Variants in KIAA0586 observed in about 807,000 individuals in gnomAD.
KIAA0586 encodes the protein protein TALPID3.
Under a neutral mutation model 169.8 loss-of-function variants are expected in KIAA0586, and 144 were observed. The observed-to-expected ratio is 0.85, with a 90% confidence interval of 0.74 to 0.97. The LOEUF (loss-of-function observed/expected upper bound fraction) is 0.97, where lower values mean the gene tolerates loss of function less well. Ranked by LOEUF, KIAA0586 falls within the 50% of genes least tolerant of loss-of-function variation. The pLI, the probability that KIAA0586 is intolerant of heterozygous loss-of-function variation, is 0.00. For missense variants in KIAA0586, 1,854 were observed against 1,823.0 expected, an observed-to-expected ratio of 1.02 and a Z score of -0.31; for synonymous variants, 625 against 612.4, an observed-to-expected ratio of 1.02 and a Z score of -0.30.
intron 22 of KIAA0586, 63 bp downstream of exon 22, chr14:58,487,229 A>G: frequency 3.7e-6 from 5 of 1,365,738 alleles, no homozygotes; most frequent in South Asian, 1.4e-5. Context: ...CATGATTTGT[A>G]TATGTACTTG....
chr14:58,492,888 G>T (rs1011307362), intron 26 of KIAA0586, among the ~76,000 whole-genome samples: 1 of 152,196 alleles, frequency 6.6e-6, no homozygotes, highest in African/African-American at 2.4e-5. Flanking sequence ...GGAAAGTATT[G>T]AAAATCTCTG....
rs2041700240 is a variant in KIAA0586 at position 58,477,150 on chromosome 14, T to C, written c.2853T>C (p.Ile951=). Residue 951 remains isoleucine (I), a synonymous_variant, in exon 20 of 31, where the codon ATT becomes ATC. Coordinates refer to ENST00000652326, the MANE Select transcript of KIAA0586 (RefSeq NM_001329943.3). ...QWVEQEIMSR[I]ISGLFPVQQQ... Reference sequence around the variant, plus strand: ...TAGAGCAAGAAATAATGTCAAGAATTATCTCTGGGCTCTTTCCAGTCCAGC... The same window carrying C: ...TAGAGCAAGAAATAATGTCAAGAATCATCTCTGGGCTCTTTCCAGTCCAGC... The C allele has an allele frequency of 2.5e-6, 4 of 1,574,858 alleles. No individual in the cohort carries two copies. Among genetic ancestry groups the C allele is most frequent in the Non-Finnish European group, 2.6e-6 (3 of 1,157,190 alleles).
intron 30 of KIAA0586, among the ~76,000 whole-genome samples, chr14:58,547,522 A>G (rs1040347590): frequency 7.9e-5 from 12 of 152,224 alleles, no homozygotes; most frequent in Admixed American, 6.5e-4. Flanking sequence ...CTTACTTAGC[A>G]TTTATCATCT....
intron 4 of KIAA0586, among the ~76,000 whole-genome samples, chr14:58,439,555 T>C (rs1306664358): frequency 6.6e-6 from 1 of 152,230 alleles, no homozygotes; most frequent in Non-Finnish European, 1.5e-5. Context: ...GACTGCAATT[T>C]CTTCATCTAT....
At chr14:58,511,142 T>G (rs1464055785) in intron 28 of KIAA0586, among the ~76,000 whole-genome samples, 4 of 152,200 alleles carry the variant, frequency 2.6e-5, no homozygotes, top group African/African-American at 4.8e-5. Flanking sequence ...TACATGTATC[T>G]CAATAAAACT....
At chr14:58,450,878 G>A in intron 8 of KIAA0586, 132 bp downstream of exon 8, 1 of 567,362 alleles carries the variant, frequency 1.8e-6, no homozygotes, top group Non-Finnish European at 3.1e-6. Context: ...GGAAAATCAA[G>A]CTTCTTTAGA....
At chr14:58,463,827 A>T in intron 14 of KIAA0586, 1 of 61,508 alleles carries the variant, frequency 1.6e-5, no homozygotes, top group South Asian at 1.0e-4. Context: ...CCCTGTCTCT[A>T]AAAAAAAAAA....
chr14:58,495,722 A>G (rs757097069), intron 26 of KIAA0586, among the ~76,000 whole-genome samples: 21 of 152,110 alleles, frequency 1.4e-4, no homozygotes, highest in Non-Finnish European at 3.1e-4. Context: ...TTTACCTACT[A>G]TGTAGTATAC....
chr14:58,555,499 A>G (rs1458829387), downstream of KIAA0586, among the ~76,000 whole-genome samples: 1 of 152,182 alleles, frequency 6.6e-6, no homozygotes, highest in East Asian at 1.9e-4. Context: ...AGTTGCATAA[A>G]ACCCATTTGT....
intron 29 of KIAA0586, among the ~76,000 whole-genome samples, chr14:58,522,472 A>G (rs1431505457): frequency 6.6e-6 from 1 of 152,216 alleles, no homozygotes; most frequent in Non-Finnish European, 1.5e-5. Context: ...CACAAATGCA[A>G]CAACGTAGTT....
Position 58,547,990 on chromosome 14 carries a change from T to G in KIAA0586, c.*58T>G. ...CACTGGTTTTAAAGTCATTTTACCT[T>G]GGCTTAAAACCCTCTCTCAGACTGT... is the stretch of plus-strand genomic sequence containing the variant. On this transcript the variant is annotated 3_prime_UTR_variant, in exon 31 of 31. Transcript: ENST00000652326. 6.3e-7 allele frequency: 1 copy of G among 1,593,388 alleles called. No individual in the cohort carries two copies. Among genetic ancestry groups the G allele is most frequent in the African/African-American group, 1.3e-5 (1 of 74,550 alleles).
At chr14:58,486,916 A>G (rs2042486552) in intron 21 of KIAA0586, 91 bp from the exon 22 acceptor site, 1 of 1,017,212 alleles carries the variant, frequency 9.8e-7, no homozygotes, top group East Asian at 2.7e-5. Flanking sequence ...AATTTAAATT[A>G]TATATAGTCT....
chr14:58,455,710 G>A (rs1326851302), intron 9 of KIAA0586, among the ~76,000 whole-genome samples: 1 of 152,068 alleles, frequency 6.6e-6, no homozygotes, highest in African/African-American at 2.4e-5. Context: ...GTGTGCGAGT[G>A]CATGCACATG....
chr14:58,429,481 T>C, intron 2 of KIAA0586, 48 bp downstream of exon 2: 1 of 965,558 alleles, frequency 1.0e-6, no homozygotes, highest in Non-Finnish European at 1.7e-6. Flanking sequence ...TTTTCAGTAT[T>C]GTCAAATAAT....
intron 29 of KIAA0586, among the ~76,000 whole-genome samples, chr14:58,513,221 C>G (rs2044516597): frequency 6.6e-6 from 1 of 152,006 alleles, no homozygotes; most frequent in Non-Finnish European, 1.5e-5. Flanking sequence ...TTTACATTTT[C>G]TATAACCTAA....
intron 16 of KIAA0586, 66 bp from the exon 17 acceptor site, chr14:58,470,547 A>G: frequency 1.1e-6 from 1 of 909,986 alleles, no homozygotes; most frequent in Admixed American, 2.0e-5. Context: ...ATGTATATAC[A>G]CATACTCATA....
At chr14:58,445,001 C>T (rs1484692397) in intron 6 of KIAA0586, among the ~76,000 whole-genome samples, 1 of 150,948 alleles carries the variant, frequency 6.6e-6, no homozygotes, top group East Asian at 1.9e-4. Context: ...GCTGAGACTG[C>T]CGGAGACCTT....
the KIAA0586 span, among the ~76,000 whole-genome samples, chr14:58,557,104 A>C: frequency 3.3e-5 from 5 of 152,194 alleles, no homozygotes; most frequent in South Asian, 2.1e-4. Flanking sequence ...ACAATTCATT[A>C]ATTAATTCTA....
At position 58,428,059 on chromosome 14, in the gene KIAA0586, G is replaced by C. The variant is rs1398683889; in HGVS notation, c.-206G>C. On this transcript the variant is annotated 5_prime_UTR_variant, in exon 1 of 31. Transcript: ENST00000652326. ...CACATTTTGGCGTGGTGTATTAATA[G>C]ACTGAGTGGGATTAATGGGTAAATA... 6.9e-7 allele frequency: 1 copy of C among 1,441,464 alleles called. No individual in the cohort carries two copies. The allele number at this position is 1,441,464 out of a possible 1,614,324, so 89.3% of individuals were successfully genotyped here.
Sources: gnomAD v4.1 joint callset for allele counts (sites outside exome capture counted in the v4.1 genomes callset) on GRCh38, gnomAD v4.1.1 for gene constraint, MANE v1.5 for transcripts, NCBI Gene and HGNC (gene_info 2026-07-23, HGNC 2026-07-21) for gene names.